Variants in EMB observed in about 807,000 individuals in gnomAD.
EMB encodes embigin homolog.
In EMB, 31 loss-of-function variants were observed where a neutral mutation model predicts 41.4. The observed-to-expected ratio is 0.75, with a 90% CI of 0.56 to 1.01. The LOEUF (loss-of-function observed/expected upper bound fraction) is 1.01, where lower values mean the gene tolerates loss of function less well. Ranked by LOEUF, EMB falls within the 50% of genes least tolerant of loss-of-function variation. The pLI, the probability that EMB is intolerant of heterozygous loss-of-function variation, is 0.00. For missense variants in EMB, 379 were observed against 388.3 expected (o/e 0.98, Z 0.20); for synonymous variants, 137 against 140.4 (o/e 0.98, Z 0.17).
chr5:50,430,475 C>T (rs1745702292), intron 1 of EMB, among the ~76,000 whole-genome samples: 1 of 151,968 alleles, frequency 6.6e-6, no homozygotes, highest in African/African-American at 2.4e-5. Flanking sequence ...ATTCCTATTC[C>T]ACTTAAGTAA....
In EMB at chr5:50,428,280, T is replaced by A. The variant is rs183633668; in HGVS notation, c.113-53A>T. On this transcript the variant is annotated intron_variant, in intron 1 of 8. Transcript: ENST00000303221. ...CACTCTTATCAAGAGTAAATGACTA[T>A]CTAAAAACTACTTTGAAACAGCTAA... The A allele has an allele frequency of 8.4e-6, 12 of 1,423,834 alleles. No individual in the cohort carries two copies. The East Asian group carries it at 2.7e-4, about 33-fold the overall frequency. The allele number at this position is 1,423,834 out of a possible 1,614,324, so 88.2% of individuals were successfully genotyped here.
chr5:50,428,632 A>G, intron 1 of EMB: 1 of 986,234 alleles, frequency 1.0e-6, no homozygotes, highest in South Asian at 4.7e-5. Flanking sequence ...AGACCTTAAT[A>G]AAGAGAATTA....
Position 50,411,286 on chromosome 5 carries a change from T to C in EMB, c.294A>G (p.Ala98=). The change falls in exon 3 of 9, where the codon GCA becomes GCG. Residue 98 remains alanine (A), a synonymous_variant. Coordinates refer to ENST00000303221, the MANE Select transcript of EMB (RefSeq NM_198449.3). The part of the protein sequence containing the change: ...CQFTTSGDLN[A]VNVTWKKDGE... ...CATCTTTTTTCCAAGTCACATTTAC[T>C]GCATTCAAATCCCCAGATGTTGTGA... 6.2e-7 allele frequency: 1 copy of C among 1,613,276 alleles called. No individual in the cohort carries two copies. The highest frequency in any genetic ancestry group is 8.5e-7 in the Non-Finnish European group (1 of 1,179,476).
At chr5:50,412,867 A>G (rs1434857755) in intron 2 of EMB, among the ~76,000 whole-genome samples, 1 of 148,614 alleles carries the variant, frequency 6.7e-6, no homozygotes, top group East Asian at 2.0e-4. Context: ...CCTCTGACCC[A>G]GCAGGTAAGT....
Position 50,399,049 on chromosome 5 carries a change from C to T in EMB, c.*224G>A. ...TATAATTAATTTTATTCTGGTCTAA[C>T]ATATTTATTCTGATTTACATTGCTT... On this transcript the variant is annotated 3_prime_UTR_variant, in exon 9 of 9. Transcript: ENST00000303221. The T allele has an allele frequency of 2.2e-6, 1 of 452,986 alleles. No homozygotes were observed. Among genetic ancestry groups the T allele is most frequent in the Non-Finnish European group, 3.8e-6 (1 of 263,480 alleles). The allele number at this position is 452,986 out of a possible 1,614,324, so 28.1% of individuals were successfully genotyped here. A position where few individuals can be genotyped will look rare whatever the true frequency, so the allele number is the denominator to read the frequency against.
In EMB at chr5:50,399,260, T is replaced by C. The variant is rs1745119760; in HGVS notation, c.*13A>G. ...GTATATCTTCCAATGATTCTCGACA[T>C]GATGTTTTGTATTCACTGGCCCAGA... On this transcript the variant is annotated 3_prime_UTR_variant, in exon 9 of 9. Coordinates refer to ENST00000303221, the MANE Select transcript of EMB (RefSeq NM_198449.3). The C allele has an allele frequency of 3.7e-6, 6 of 1,608,274 alleles. No homozygotes were observed. The highest frequency in any genetic ancestry group is 2.2e-5 in the East Asian group (1 of 44,656).
At chr5:50,424,627 G>C (rs1040895236) in intron 2 of EMB, among the ~76,000 whole-genome samples, 4 of 152,120 alleles carry the variant, frequency 2.6e-5, no homozygotes, top group African/African-American at 9.7e-5. Context: ...AAACATGCAG[G>C]ACTCTCATTT....
At position 50,431,208 on chromosome 5, in the gene EMB, G is replaced by T. The variant is rs796333865; in HGVS notation, c.113-2981C>A. Among the ~76,000 whole-genome samples the T allele has an allele frequency of 4.3e-4, 65 of 152,232 alleles. 1 individual carries two copies. The highest frequency in any genetic ancestry group is 1.5e-3 in the African/African-American group (61 of 41,534). The stretch of plus-strand genomic sequence containing the variant: ...TAACTGCTGTGTGACTTTTGCCTTG[G>T]GAAAAGTCCCTTAAAGAGGCAATAT... On this transcript the variant is annotated intron_variant, in intron 1 of 8. Coordinates refer to ENST00000303221, the MANE Select transcript of EMB (RefSeq NM_198449.3).
chr5:50,415,160 C>T (rs188801407), intron 2 of EMB, among the ~76,000 whole-genome samples: 80 of 152,262 alleles, frequency 5.3e-4, no homozygotes, highest in South Asian at 2.9e-3. Context: ...GATTCTACCG[C>T]TAAAATGTCA....
chr5:50,424,207 T>G (rs1745572299), intron 2 of EMB, among the ~76,000 whole-genome samples: 1 of 152,200 alleles, frequency 6.6e-6, no homozygotes, highest in East Asian at 1.9e-4. Context: ...TTGCTATATA[T>G]TTAAAAGAAT....
intron 2 of EMB, among the ~76,000 whole-genome samples, chr5:50,424,276 T>C (rs1745574728): frequency 6.6e-6 from 1 of 152,230 alleles, no homozygotes; most frequent in Non-Finnish European, 1.5e-5. Context: ...TTTTCTAATT[T>C]ACTCTAATGC....
chr5:50,409,743 T>C (rs62365888), intron 4 of EMB, among the ~76,000 whole-genome samples: 18,664 of 150,596 alleles, frequency 0.12, 1,448 homozygotes, highest in East Asian at 0.28. Flanking sequence ...AAAAGGAAAC[T>C]GAAAGGAAAT....
At chr5:50,400,561 TC>T (rs1411232521) in intron 7 of EMB, among the ~76,000 whole-genome samples, 2 of 151,980 alleles carry the variant, frequency 1.3e-5, no homozygotes, top group Non-Finnish European at 2.9e-5. Flanking sequence ...TGTGTACTCT[TC>T]AAAAGCAGAA....
At position 50,403,343 on chromosome 5, in the gene EMB, G is replaced by A. The variant is rs749613196; in HGVS notation, c.712C>T (p.Arg238Cys). Residue 238 changes from arginine (R) to cysteine (C), a missense_variant, in exon 6 of 9, where the codon CGT becomes TGT. Physicochemically the swap from Arg to Cys is radical, Grantham distance 180 (BLOSUM62 -3). Transcript: ENST00000303221. ...CTCTCGCCTAATTGGAATAGTGCAC[G>A]GCACCAGTAAGATTCCCCATCTTCC... ...LEEDGESYWCRALFQLGESEE... is the reference protein window; with the variant it reads ...LEEDGESYWCCALFQLGESEE... 1.2e-5 allele frequency: 19 copies of A among 1,612,568 alleles called. No individual in the cohort carries two copies. The highest frequency in any genetic ancestry group is 9.4e-5 in the African/African-American group (7 of 74,748).
intron 2 of EMB, among the ~76,000 whole-genome samples, chr5:50,421,760 C>A (rs545562020): frequency 2.2e-4 from 33 of 152,028 alleles, no homozygotes; most frequent in Non-Finnish European, 1.6e-4. Context: ...GTGGATGAAG[C>A]TGGAAACCAT....
At chr5:50,437,614 C>T (rs1049540024) in intron 1 of EMB, among the ~76,000 whole-genome samples, 12 of 151,068 alleles carry the variant, frequency 7.9e-5, no homozygotes, top group Non-Finnish European at 1.6e-4. Flanking sequence ...GTGGGAACCC[C>T]TTTAAATGTC....
intron 2 of EMB, 119 bp from the exon 3 acceptor site, chr5:50,411,502 T>A (rs754753621): frequency 1.5e-6 from 1 of 685,260 alleles, no homozygotes; most frequent in Non-Finnish European, 2.3e-6. Context: ...AACATTCATT[T>A]GAAGAATTAT....
chr5:50,404,988 A>G (rs564306325), intron 5 of EMB, among the ~76,000 whole-genome samples: 12 of 152,068 alleles, frequency 7.9e-5, no homozygotes, highest in Non-Finnish European at 1.6e-4. Context: ...GCTTGCCTTT[A>G]ACGGGACTTT....
intron 2 of EMB, among the ~76,000 whole-genome samples, chr5:50,425,786 T>G (rs995505900): frequency 6.6e-6 from 1 of 150,930 alleles, no homozygotes; most frequent in East Asian, 1.9e-4. Context: ...CAGGTTCAAG[T>G]GATTCTCCTG....
Sources: allele counts gnomAD v4.1 joint callset (sites outside exome capture counted in the v4.1 genomes callset), GRCh38; gene constraint gnomAD v4.1.1; transcripts MANE v1.5; gene names NCBI Gene and HGNC (gene_info 2026-07-23, HGNC 2026-07-21).